THEM6: variants seen among roughly 807,000 people sequenced by gnomAD.
The protein encoded by THEM6 is protein THEM6.
Under a neutral mutation model 13.7 loss-of-function variants are expected in THEM6, and 10 were observed. The observed-to-expected ratio is 0.73, with a 90% confidence interval of 0.45 to 1.24. The LOEUF is 1.24. THEM6 is among the 50% of genes most tolerant of loss of function. The pLI is 0.00. For synonymous variants in THEM6, 161 were observed against 156.0 expected (o/e 1.03, Z -0.24); for missense variants, 317 against 312.6 (o/e 1.01, Z -0.11).
chr8:142,727,918 C>A, intron 1 of THEM6, 59 bp downstream of exon 1: 3 of 1,365,672 alleles, frequency 2.2e-6, no homozygotes, highest in Non-Finnish European at 2.8e-6. Context: ...CCGGGGGCTC[C>A]TCCTAGTCCC....
intron 1 of THEM6, among the ~76,000 whole-genome samples, chr8:142,728,117 A>T (rs1554642616): frequency 6.6e-6 from 1 of 151,800 alleles, no homozygotes; most frequent in African/African-American, 2.4e-5. Flanking sequence ...CCCTCCTGCC[A>T]TTTCTTAACC....
Position 142,727,511 on chromosome 8 carries a change from G to A in THEM6, c.165G>A (p.Leu55=), listed in dbSNP as rs1554642454. 6.3e-7 allele frequency: 1 copy of A among 1,579,474 alleles called. No individual in the cohort carries two copies. ...AGCAGCGCTTCCCGGGCCGCGTGCT[G>A]CCCTCGGACTTGGACCTGCTGCTGC... ...LAEQRFPGRV[L]PSDLDLLLHM... is the part of the protein sequence containing the mutation. The change falls in exon 1 of 2, where the codon CTG becomes CTA. Residue 55 remains leucine, a synonymous_variant. Coordinates refer to ENST00000336138, the MANE Select transcript of THEM6 (RefSeq NM_016647.3).
chr8:142,732,711 C>CTTTTTTTTTTTTTTTTTTT (rs35409782), intron 1 of THEM6, among the ~76,000 whole-genome samples: 1 of 134,392 alleles, frequency 7.4e-6, no homozygotes, highest in African/African-American at 2.8e-5. Flanking sequence ...TGGCCAGTTT[C>CTTTTTTTTTTTTTTTTTTT]TTTTTTTTTT....
Position 142,736,790 on chromosome 8 carries a change from CAG to C in THEM6, c.*1354_*1355del, listed in dbSNP as rs1304146182. 2 of 152,374 alleles carry C rather than the reference CAG, an allele frequency of 1.3e-5. No individual in the cohort carries two copies. The highest frequency in any genetic ancestry group is 2.9e-5 in the Non-Finnish European group (2 of 68,134). The allele number at this position is 152,374 out of a possible 1,614,324, so 9.4% of individuals were successfully genotyped here. A position where few individuals can be genotyped will look rare whatever the true frequency, so the allele number is the denominator to read the frequency against. On this transcript the variant is annotated 3_prime_UTR_variant, in exon 2 of 2. Coordinates refer to ENST00000336138, the MANE Select transcript of THEM6 (RefSeq NM_016647.3). ...TGCCTCCAGGAAGCCCACCTTGAGC[CAG>C]AGTCAAGGGCTGCAGCACTGCCCGA...
intron 1 of THEM6, among the ~76,000 whole-genome samples, chr8:142,730,889 C>A (rs1339142509): frequency 1.3e-5 from 2 of 152,124 alleles, no homozygotes; most frequent in South Asian, 4.2e-4. Context: ...GGACTACAGG[C>A]GCCCGCCACC....
rs781891978 is a variant in THEM6, at chr8:142,727,298, G to C, written c.-49G>C. On this transcript the variant is annotated 5_prime_UTR_variant, in exon 1 of 2. Coordinates refer to ENST00000336138, the MANE Select transcript of THEM6 (RefSeq NM_016647.3). The stretch of plus-strand genomic sequence containing the variant: ...CACCGTAACCAGCGCCGCGGACACC[G>C]GCACCGGCGCCACGGACTCCGCAGG... 1.4e-6 allele frequency: 2 copies of C among 1,424,932 alleles called. No individual in the cohort carries two copies. Among genetic ancestry groups the C allele is most frequent in the Non-Finnish European group, 1.8e-6 (2 of 1,099,202 alleles). 88.3% of individuals were successfully genotyped at this position (1,424,932 alleles called of 1,614,324 possible). A position where few individuals can be genotyped will look rare whatever the true frequency, so the allele number is the denominator to read the frequency against.
At chr8:142,728,391 G>C (rs1367558990) in intron 1 of THEM6, among the ~76,000 whole-genome samples, 1 of 152,214 alleles carries the variant, frequency 6.6e-6, no homozygotes, top group Non-Finnish European at 1.5e-5. Flanking sequence ...CAGTTGGAGA[G>C]AGGAGGGCCA....
At chr8:142,733,425 A>T (rs2130000467) in intron 1 of THEM6, among the ~76,000 whole-genome samples, 1 of 152,338 alleles carries the variant, frequency 6.6e-6, no homozygotes, top group Admixed American at 6.5e-5. Context: ...ATTTATTCCT[A>T]ATTAGATCGG....
chr8:142,734,407 G>T (rs1032694959), intron 1 of THEM6: 1 of 152,478 alleles, frequency 6.6e-6, no homozygotes, highest in East Asian at 1.9e-4. Flanking sequence ...ATCAGGCATG[G>T]GCTGGTTGGT....
In THEM6 at chr8:142,735,678, G is replaced by GA. The variant is rs1192824211; in HGVS notation, c.*240dup. The GA allele has an allele frequency of 2.6e-4, 137 of 535,572 alleles. 1 individual carries two copies. The East Asian group carries it at 4.2e-3, about 16-fold the overall frequency. 33.2% of individuals were successfully genotyped at this position (535,572 alleles called of 1,614,324 possible). On this transcript the variant is annotated 3_prime_UTR_variant, in exon 2 of 2. Coordinates refer to ENST00000336138, the MANE Select transcript of THEM6 (RefSeq NM_016647.3). ...CAGCTCTGCCCTCAAGGTGGGGATG[G>GA]ATGGGCAAAGGAGAGTCCTGCCTGG...
In THEM6 at chr8:142,736,748, A is replaced by C. The variant is rs1815780538; in HGVS notation, c.*1309A>C. 1 of 152,404 alleles carries C rather than the reference A, an allele frequency of 6.6e-6. No homozygotes were observed. Among genetic ancestry groups the C allele is most frequent in the Admixed American group, 6.5e-5 (1 of 15,288 alleles). 9.4% of individuals were successfully genotyped at this position (152,404 alleles called of 1,614,324 possible). On this transcript the variant is annotated 3_prime_UTR_variant, in exon 2 of 2. Transcript: ENST00000336138. ...CCTACATCTGTGCCTGCACATCCAGAACTGCCTCCTTGCCGCTGCCTCCAG... is the reference window on the plus strand; with the variant it reads ...CCTACATCTGTGCCTGCACATCCAGCACTGCCTCCTTGCCGCTGCCTCCAG...
intron 1 of THEM6, among the ~76,000 whole-genome samples, chr8:142,731,894 G>A (rs587691533): frequency 1.3e-5 from 2 of 152,202 alleles, no homozygotes; most frequent in South Asian, 4.2e-4. Flanking sequence ...CAGAGGCTTG[G>A]CAGATGCCTG....
chr8:142,727,807 A>T lies in THEM6; in HGVS notation c.461A>T (p.His154Leu). 1 of 1,467,526 alleles carries T rather than the reference A, an allele frequency of 6.8e-7. No homozygotes were observed. The highest frequency in any genetic ancestry group is 8.9e-7 in the Non-Finnish European group (1 of 1,118,336). 90.9% of individuals were successfully genotyped at this position (1,467,526 alleles called of 1,614,324 possible). A position where few individuals can be genotyped will look rare whatever the true frequency, so the allele number is the denominator to read the frequency against. ...FVCALLRFRQ[H>L]LLGTSPERVV... ...TGCGCGCTGCTGCGCTTCCGGCAGC[A>T]CCTGCTGGGCACCTCACCCGAGCGC... The change falls in exon 1 of 2, where the codon CAC (histidine) becomes CTC (leucine). Residue 154 changes from histidine (H) to leucine (L), a missense_variant. Transcript: ENST00000336138.
Position 142,732,161 on chromosome 8 carries a change from A to AACATATATATATAT in THEM6, c.514-3164_514-3163insCATATATATATATA, listed in dbSNP as rs1217552333. ...GTGAAGAGGGGAAAAGGGAGTTTTG[A>AACATATATATATAT]ATATATATATATATATATATATATA... On this transcript the variant is annotated intron_variant, in intron 1 of 1. Transcript: ENST00000336138. Among the ~76,000 whole-genome samples the AACATATATATATAT allele has an allele frequency of 9.7e-4, 36 of 37,248 alleles. 5 individuals carry two copies. The highest frequency in any genetic ancestry group is 1.7e-3 in the African/African-American group (24 of 14,376). The allele number at this position is 37,248 out of a possible 152,430, so 24.4% of individuals were successfully genotyped here. A position where few individuals can be genotyped will look rare whatever the true frequency, so the allele number is the denominator to read the frequency against.
At chr8:142,733,534 A>T (rs948205031) in intron 1 of THEM6, among the ~76,000 whole-genome samples, 4 of 152,122 alleles carry the variant, frequency 2.6e-5, no homozygotes, top group African/African-American at 9.7e-5. Context: ...CCCCAGCCTC[A>T]TTTCCCAGCC....
Position 142,727,271 on chromosome 8 carries a change from G to A in THEM6, c.-76G>A, listed in dbSNP as rs1413853184. The stretch of plus-strand genomic sequence containing the variant: ...TCGTGAGTTCCCAGGAGGCCTGGCG[G>A]GCACCGTAACCAGCGCCGCGGACAC... On this transcript the variant is annotated 5_prime_UTR_variant, in exon 1 of 2. Transcript: ENST00000336138. 9 of 1,355,706 alleles carry A rather than the reference G, an allele frequency of 6.6e-6. No individual in the cohort carries two copies. In the African/African-American group the frequency reaches 9.3e-5, roughly 14 times the overall value. The allele number at this position is 1,355,706 out of a possible 1,614,324, so 84.0% of individuals were successfully genotyped here. A position where few individuals can be genotyped will look rare whatever the true frequency, so the allele number is the denominator to read the frequency against.
chr8:142,732,105 C>T (rs930977202), intron 1 of THEM6, among the ~76,000 whole-genome samples: 2 of 139,044 alleles, frequency 1.4e-5, no homozygotes, highest in South Asian at 2.3e-4. Context: ...GACCAACCAG[C>T]GGGAGTGAAG....
rs782229664 is a variant in THEM6, at chr8:142,727,710, C to A, written c.364C>A (p.Arg122Ser). The change falls in exon 1 of 2, where the codon CGC (arginine) becomes AGC (serine). Residue 122 changes from arginine (R) to serine (S), a missense_variant. By Grantham distance (110) the Arg-to-Ser change is moderately radical. Transcript: ENST00000336138. ...RLLEPFEVRT[R>S]LLGWDDRAFY... Reference sequence around the variant, plus strand: ...GCTGGAGCCCTTCGAGGTGCGCACCCGCCTGCTGGGCTGGGACGACCGCGC... The same window carrying A: ...GCTGGAGCCCTTCGAGGTGCGCACCAGCCTGCTGGGCTGGGACGACCGCGC... The A allele has an allele frequency of 7.0e-7, 1 of 1,433,806 alleles. No individual in the cohort carries two copies. The highest frequency in any genetic ancestry group is 9.1e-7 in the Non-Finnish European group (1 of 1,104,442). The allele number at this position is 1,433,806 out of a possible 1,614,324, so 88.8% of individuals were successfully genotyped here.
chr8:142,735,262 G>T, intron 1 of THEM6, 64 bp from the exon 2 acceptor site: 1 of 1,239,590 alleles, frequency 8.1e-7, no homozygotes, highest in South Asian at 1.3e-5. Flanking sequence ...GGAGCAGTGT[G>T]GGCAGCGGCC....
Sources: gnomAD v4.1 joint callset for allele counts (sites outside exome capture counted in the v4.1 genomes callset) on GRCh38, gnomAD v4.1.1 for gene constraint, MANE v1.5 for transcripts, NCBI Gene and HGNC (gene_info 2026-07-23, HGNC 2026-07-21) for gene names.